TAB2: variants seen among roughly 807,000 people sequenced by gnomAD.
TAB2 encodes TGF-beta-activated kinase 1 and MAP3K7-binding protein 2.
In TAB2, 3 loss-of-function variants were observed where a neutral mutation model predicts 65.0. That is an observed-to-expected ratio of 0.05 (90% CI 0.02 to 0.12). TAB2 has a LOEUF of 0.12. TAB2 is among the 10% of genes least tolerant of loss of function. TAB2 has a pLI of 1.00. For missense variants in TAB2, 623 were observed against 840.3 expected (o/e 0.74, Z 3.20); for synonymous variants, 298 against 285.1 (o/e 1.05, Z -0.46).
intron 1 of TAB2, chr6:149,247,385 C>A (rs1337265929): frequency 6.6e-6 from 1 of 152,176 alleles, no homozygotes; most frequent in Non-Finnish European, 1.5e-5. Context: ...AATCATGTCC[C>A]CTTTGTAGGT....
At chr6:149,241,584 G>A (rs1336552532) in intron 1 of TAB2, among the ~76,000 whole-genome samples, 1 of 152,168 alleles carries the variant, frequency 6.6e-6, no homozygotes, top group African/African-American at 2.4e-5. Flanking sequence ...TTTCAATGCT[G>A]TGGGTAGAAA....
chr6:149,267,231 T>C (rs1238068244), intron 1 of TAB2, among the ~76,000 whole-genome samples: 1 of 152,080 alleles, frequency 6.6e-6, no homozygotes, highest in African/African-American at 2.4e-5. Flanking sequence ...TCTGAAGGAA[T>C]GTGATGAGCT....
At chr6:149,279,274 A>G (rs1025053932) in intron 1 of TAB2, among the ~76,000 whole-genome samples, 2 of 152,130 alleles carry the variant, frequency 1.3e-5, no homozygotes, top group African/African-American at 2.4e-5. Flanking sequence ...TTTCAGCTCC[A>G]CCAGTCTTTC....
intron 1 of TAB2, among the ~76,000 whole-genome samples, chr6:149,219,988 G>A (rs1777105950): frequency 6.6e-6 from 1 of 152,046 alleles, no homozygotes; most frequent in African/African-American, 2.4e-5. Flanking sequence ...TTAAACAATT[G>A]ATTAATTTAT....
Position 149,225,707 on chromosome 6 carries a change from C to T in TAB2, c.-121+6931C>T, listed in dbSNP as rs548597322. ...AACTGGACAGATTCCAAGTAAACTC[C>T]ACCCGCTATAAAAATCACGAGGCAG... On this transcript the variant is annotated intron_variant, in intron 1 of 1. Transcript: ENST00000606202. Among the ~76,000 whole-genome samples, 195 of 152,112 alleles carry T rather than the reference C, an allele frequency of 1.3e-3. 2 individuals carry two copies. The highest frequency in any genetic ancestry group is 4.3e-3 in the African/African-American group (178 of 41,470).
At chr6:149,265,435 T>C (rs796766018) in intron 1 of TAB2, among the ~76,000 whole-genome samples, 1 of 152,184 alleles carries the variant, frequency 6.6e-6, no homozygotes, top group Non-Finnish European at 1.5e-5. Context: ...CTTTCTCAGC[T>C]TCCCACAATT....
chr6:149,316,166 A>C (rs1184106448), upstream of TAB2, among the ~76,000 whole-genome samples: 1 of 152,354 alleles, frequency 6.6e-6, no homozygotes, highest in East Asian at 1.9e-4. Flanking sequence ...GAATCTTCCC[A>C]ATTTTGTAAA....
At chr6:149,318,518 G>A (rs1446673819) in intron 1 of TAB2, 1 of 142,536 alleles carries the variant, frequency 7.0e-6, no homozygotes, top group Non-Finnish European at 1.5e-5. Context: ...GGGCGGGAGG[G>A]AGAACATCGT....
chr6:149,363,752 C>T (rs188082986), intron 1 of TAB2, among the ~76,000 whole-genome samples: 2 of 152,210 alleles, frequency 1.3e-5, no homozygotes, highest in African/African-American at 2.4e-5. Context: ...CACAGATGCA[C>T]CTCACATTTT....
intron 1 of TAB2, among the ~76,000 whole-genome samples, chr6:149,320,324 G>T (rs971537941): frequency 6.6e-6 from 1 of 152,262 alleles, no homozygotes; most frequent in South Asian, 2.1e-4. Context: ...TGATCCACCC[G>T]CCTCAGCCTC....
chr6:149,339,068 A>G (rs762896105), intron 1 of TAB2, among the ~76,000 whole-genome samples: 9 of 152,216 alleles, frequency 5.9e-5, no homozygotes, highest in Non-Finnish European at 1.3e-4. Context: ...TAATTTTGTT[A>G]GAAAATCTAG....
intron 1 of TAB2, among the ~76,000 whole-genome samples, chr6:149,282,813 A>G (rs1778598277): frequency 6.6e-6 from 1 of 152,184 alleles, no homozygotes; most frequent in Admixed American, 6.5e-5. Context: ...ACACTGAAGG[A>G]GCATTGGCTG....
In TAB2 at chr6:149,397,761, T is replaced by G; in HGVS notation, c.1761T>G (p.Pro587=). The change falls in exon 4 of 7, where the codon CCT becomes CCG. Residue 587 remains proline, a synonymous_variant. Coordinates refer to ENST00000637181, the MANE Select transcript of TAB2 (RefSeq NM_001292034.3). ...LKRSNSISQI[P]SLEEMQQLRS... The stretch of plus-strand genomic sequence containing the variant: ...GATCAAATTCTATATCCCAGATACC[T>G]TCCGTAAGTCTTTATGTAACTGTTG... 1 of 1,613,078 alleles carries G rather than the reference T, an allele frequency of 6.2e-7. No homozygotes were observed. Among genetic ancestry groups the G allele is most frequent in the Non-Finnish European group, 8.5e-7 (1 of 1,180,008 alleles).
At chr6:149,333,307 G>A (rs185963696) in intron 1 of TAB2, among the ~76,000 whole-genome samples, 49 of 152,306 alleles carry the variant, frequency 3.2e-4, no homozygotes, top group Admixed American at 1.4e-3. Flanking sequence ...TTAGTGAGGC[G>A]TACATTTTGC....
At chr6:149,316,487 TG>T (rs1295694326), upstream of TAB2, among the ~76,000 whole-genome samples, 1 of 152,224 alleles carries the variant, frequency 6.6e-6, no homozygotes, top group Non-Finnish European at 1.5e-5. Flanking sequence ...GAGTAAGAAT[TG>T]TTTCAAGGAA....
chr6:149,320,186 C>T (rs1308732261), intron 1 of TAB2, among the ~76,000 whole-genome samples: 1 of 152,156 alleles, frequency 6.6e-6, no homozygotes, highest in Non-Finnish European at 1.5e-5. Context: ...AAGGGATTCT[C>T]CCGCCTCAGC....
chr6:149,251,656 A>G (rs1777862513), intron 1 of TAB2, among the ~76,000 whole-genome samples: 1 of 152,176 alleles, frequency 6.6e-6, no homozygotes, highest in Admixed American at 6.5e-5. Context: ...CACTCATCAA[A>G]TAAGACAGGA....
intron 1 of TAB2, among the ~76,000 whole-genome samples, chr6:149,292,729 C>A (rs1226599802): frequency 2.0e-5 from 3 of 152,104 alleles, no homozygotes; most frequent in Non-Finnish European, 4.4e-5. Flanking sequence ...AACAAAAGCA[C>A]CCCTGAAGTT....
At chr6:149,386,240 G>A (rs74719353) in intron 3 of TAB2, among the ~76,000 whole-genome samples, 1,685 of 152,194 alleles carry the variant, frequency 0.011, 29 homozygotes, top group African/African-American at 0.039. Flanking sequence ...ATTAAGTTAC[G>A]TAAATCTATT....
Sources: gnomAD v4.1 joint callset for allele counts (sites outside exome capture counted in the v4.1 genomes callset) on GRCh38, gnomAD v4.1.1 for gene constraint, MANE v1.5 for transcripts, NCBI Gene and HGNC (gene_info 2026-07-23, HGNC 2026-07-21) for gene names.